The following MUC3A variants were observed in gnomAD, a reference collection of about 807,000 sequenced individuals.
MUC3A encodes the protein mucin-3A.
In MUC3A, 109 loss-of-function variants were observed where a neutral mutation model predicts 109.0. The ratio of observed to expected loss-of-function variants is 1.00; its 90% CI spans 0.86 to 1.17. The LOEUF is 1.17. MUC3A is among the 50% of genes most tolerant of loss of function. The pLI, the probability that MUC3A is intolerant of heterozygous loss-of-function variation, is 0.00. For synonymous variants in MUC3A, 1,398 were observed against 981.4 expected, an observed-to-expected ratio of 1.42 and a Z score of -7.93; for missense variants, 3,537 against 2,469.4, an observed-to-expected ratio of 1.43 and a Z score of -9.16.
chr7:100,951,120 C>T lies in MUC3A; in HGVS notation c.62-721C>T, dbSNP rs199715288. Among the ~76,000 whole-genome samples, 3 of 152,334 alleles carry T rather than the reference C, an allele frequency of 2.0e-5. No individual in the cohort carries two copies. The East Asian group carries it at 5.8e-4, about 29-fold the overall frequency. On this transcript the variant is annotated intron_variant, in intron 1 of 11. Transcript: ENST00000379458. ...TGCTTCCTGGGTTCAAGCGATTCTC[C>T]TGCCTCAGCTACAGGTACACGCCAC...
At position 100,966,879 on chromosome 7, in the gene MUC3A, C is replaced by G; in HGVS notation, c.9878-20C>G. 1 of 1,598,520 alleles carries G rather than the reference C, an allele frequency of 6.3e-7. No individual in the cohort carries two copies. The highest frequency in any genetic ancestry group is 1.7e-4 in the Middle Eastern group (1 of 6,060). On this transcript the variant is annotated intron_variant, in intron 10 of 11. Coordinates refer to ENST00000379458, the MANE Select transcript of MUC3A (RefSeq NM_005960.2). The stretch of plus-strand genomic sequence containing the variant: ...CCCCTCCCTCTCCCCTTCTCTTTCT[C>G]CGCTCCTCTCTCTCTCTAGACAAGG...
rs368515755 is a variant in MUC3A, at chr7:100,959,290, C to G, written c.7511C>G (p.Thr2504Ser). The change falls in exon 2 of 12, where the codon ACT becomes AGT. Residue 2504 changes from threonine to serine, a missense_variant. Thr to Ser is a moderately conservative substitution (Grantham distance 58). Transcript: ENST00000379458. ...PSSVGTSTSL[T>S]TTTDFPSIPT... is the part of the protein sequence containing the mutation. ...TCTGTGGGCACCAGCACTTCATTGA[C>G]TACAACCACAGACTTTCCCTCTATA... is the stretch of plus-strand genomic sequence containing the variant. 8.4e-5 allele frequency: 134 copies of G among 1,587,576 alleles called. No homozygotes were observed. Among genetic ancestry groups the G allele is most frequent in the Non-Finnish European group, 1.0e-4 (121 of 1,173,772 alleles).
At chr7:100,962,954 C>T (rs1227355247) in intron 3 of MUC3A, among the ~76,000 whole-genome samples, 197 bp from the exon 4 acceptor site, 2 of 152,310 alleles carry the variant, frequency 1.3e-5, no homozygotes, top group Non-Finnish European at 2.9e-5. Flanking sequence ...CTCCTGAGTT[C>T]AAGTGATTCT....
At chr7:100,966,773 G>A in intron 10 of MUC3A, 30 bp downstream of exon 10, 1 of 1,598,532 alleles carries the variant, frequency 6.3e-7, no homozygotes, top group East Asian at 2.2e-5. Context: ...GAAGCAGGCA[G>A]AGGCTTTCCT....
rs1253754403 is a variant in MUC3A, at chr7:100,959,549, C to G, written c.7770C>G (p.Thr2590=). 1.9e-6 allele frequency: 3 copies of G among 1,590,840 alleles called. No homozygotes were observed. The highest frequency in any genetic ancestry group is 2.6e-6 in the Non-Finnish European group (3 of 1,176,266). Residue 2590 remains threonine, a synonymous_variant, in exon 2 of 12, where the codon ACC becomes ACG. Transcript: ENST00000379458. The stretch of plus-strand genomic sequence containing the variant: ...CTGTACTGACGTCAGCCACTGGGAC[C>G]CAAACATCTCCTGCACCTACTACTG... The part of the protein sequence containing the change: ...TPPVLTSATG[T]QTSPAPTTVT...
At chr7:100,949,817 G>C in intron 1 of MUC3A, 132 bp downstream of exon 1, 1 of 911,110 alleles carries the variant, frequency 1.1e-6, no homozygotes, top group Non-Finnish European at 1.6e-6. Context: ...TGGGTGCAGG[G>C]AGAACCGAGG....
chr7:100,958,136 G>A lies in MUC3A; in HGVS notation c.6357G>A (p.Met2119Ile). 1 of 245,958 alleles carries A rather than the reference G, an allele frequency of 4.1e-6. No individual in the cohort carries two copies. Among genetic ancestry groups the A allele is most frequent in the Admixed American group, 4.5e-5 (1 of 22,344 alleles). The allele number at this position is 245,958 out of a possible 1,614,324, so 15.2% of individuals were successfully genotyped here. Residue 2119 changes from methionine (M) to isoleucine (I), a missense_variant, in exon 2 of 12, where the codon ATG becomes ATA. By Grantham distance (10) the Met-to-Ile change is conservative (BLOSUM62 1). Transcript: ENST00000379458. ...CTTCCTCAATCACCACCTCTGAGAT[G>A]CCCTCACACAGTACTCCCAGCTTCA... ...SFTSSITTSE[M>I]PSHSTPSFTS...
Position 100,957,210 on chromosome 7 carries a change from A to G in MUC3A, c.5431A>G (p.Ser1811Gly), listed in dbSNP as rs921818255. 2.8e-3 allele frequency: 1,325 copies of G among 471,546 alleles called. No individual in the cohort carries two copies. Among genetic ancestry groups the G allele is most frequent in the African/African-American group, 0.024 (1,157 of 49,024 alleles). 29.2% of individuals were successfully genotyped at this position (471,546 alleles called of 1,614,324 possible). ...TGTCCCAAGTACAGAAGCGATCACC[A>G]GTGGTACCACAAACACCACCCCTCT... Reference protein sequence around the residue: ...TPVPSTEAITSGTTNTTPLST... With the variant: ...TPVPSTEAITGGTTNTTPLST... The change falls in exon 2 of 12, where the codon AGT (serine) becomes GGT (glycine). Residue 1811 changes from serine to glycine, a missense_variant. Ser to Gly is a moderately conservative substitution (Grantham distance 56). Coordinates refer to ENST00000379458, the MANE Select transcript of MUC3A (RefSeq NM_005960.2).
chr7:100,965,358 G>C lies in MUC3A; in HGVS notation c.9448+11G>C. The C allele has an allele frequency of 1.9e-6, 3 of 1,596,930 alleles. No homozygotes were observed. The highest frequency in any genetic ancestry group is 2.5e-6 in the Non-Finnish European group (3 of 1,178,706). Reference sequence around the variant, plus strand: ...AGCTGACCCCGGCAGGTAAGGGTGGGGTAAAGGGCTGAGTGGTCTCCCGCG... The same window carrying C: ...AGCTGACCCCGGCAGGTAAGGGTGGCGTAAAGGGCTGAGTGGTCTCCCGCG... On this transcript the variant is annotated intron_variant, in intron 7 of 11. Transcript: ENST00000379458.
chr7:100,957,663 A>G lies in MUC3A; in HGVS notation c.5884A>G (p.Ile1962Val), dbSNP rs1792137180. ...CAGCTCTCCCAGCTTCACTTCTTCG[A>G]TCACCACCACCGAGACCACATCCCA... is the stretch of plus-strand genomic sequence containing the variant. Reference protein sequence around the residue: ...SHSSPSFTSSITTTETTSHNT... With the variant: ...SHSSPSFTSSVTTTETTSHNT... The change falls in exon 2 of 12, where the codon ATC becomes GTC. Residue 1962 changes from isoleucine (I) to valine (V), a missense_variant. By Grantham distance (29) the Ile-to-Val change is conservative. Transcript: ENST00000379458. The G allele has an allele frequency of 6.4e-7, 1 of 1,564,732 alleles. No individual in the cohort carries two copies. The highest frequency in any genetic ancestry group is 8.7e-7 in the Non-Finnish European group (1 of 1,149,942).
At position 100,952,470 on chromosome 7, in the gene MUC3A, C is replaced by T. The variant is rs747346253; in HGVS notation, c.691C>T (p.Leu231=). Residue 231 remains leucine (L), a synonymous_variant, in exon 2 of 12, where the codon CTG becomes TTG. Coordinates refer to ENST00000379458, the MANE Select transcript of MUC3A (RefSeq NM_005960.2). ...STTRTTERTP[L]PTGSIHTTTS... The stretch of plus-strand genomic sequence containing the variant: ...AACTAGAACCACAGAAAGGACTCCC[C>T]TGCCCACTGGAAGCATCCATACAAC... 2 of 1,598,588 alleles carry T rather than the reference C, an allele frequency of 1.3e-6. No individual in the cohort carries two copies. The highest frequency in any genetic ancestry group is 2.2e-5 in the East Asian group (1 of 44,892).
In MUC3A at chr7:100,960,123, C is replaced by T. The variant is rs776677249; in HGVS notation, c.8344C>T (p.Pro2782Ser). Reference protein sequence around the residue: ...TITITIVPASPTDPCVEMDPS... With the variant: ...TITITIVPASSTDPCVEMDPS... Reference sequence around the variant, plus strand: ...AACAATTACCATAGTCCCTGCCTCCCCCACTGATCCATGTGTTGAAATGGA... The same window carrying T: ...AACAATTACCATAGTCCCTGCCTCCTCCACTGATCCATGTGTTGAAATGGA... The change falls in exon 2 of 12, where the codon CCC becomes TCC. Residue 2782 changes from proline (P) to serine (S), a missense_variant. Transcript: ENST00000379458. 6.5e-7 allele frequency: 1 copy of T among 1,543,068 alleles called. No homozygotes were observed. Among genetic ancestry groups the T allele is most frequent in the South Asian group, 1.2e-5 (1 of 80,500 alleles).
chr7:100,960,706 A>G (rs1199625237), intron 2 of MUC3A, 46 bp from the exon 3 acceptor site: 1 of 1,592,388 alleles, frequency 6.3e-7, no homozygotes, highest in African/African-American at 1.3e-5. Flanking sequence ...TGTGTCACTG[A>G]GGTCAGGCTT....
At position 100,959,632 on chromosome 7, in the gene MUC3A, C is replaced by T. The variant is rs1272759156; in HGVS notation, c.7853C>T (p.Thr2618Ile). 6.3e-7 allele frequency: 1 copy of T among 1,598,454 alleles called. No homozygotes were observed. The highest frequency in any genetic ancestry group is 1.1e-5 in the South Asian group (1 of 91,080). Residue 2618 changes from threonine (T) to isoleucine (I), a missense_variant, in exon 2 of 12, where the codon ACA becomes ATA. Thr to Ile is a moderately conservative substitution (Grantham distance 89). Transcript: ENST00000379458. ...ACTCTTCATACTCTTACTCCATCAA[C>T]AGCCTTGAGCACGATCGTGTCAACA... ...TSTLHTLTPS[T>I]ALSTIVSTSQ...
rs758571045 is a variant in MUC3A, at chr7:100,952,315, C to A, written c.536C>A (p.Thr179Asn). Residue 179 changes from threonine (T) to asparagine (N), a missense_variant, in exon 2 of 12, where the codon ACT (threonine) becomes AAT (asparagine). Coordinates refer to ENST00000379458, the MANE Select transcript of MUC3A (RefSeq NM_005960.2). Reference protein sequence around the residue: ...TVTSTYSMTTTEKGTSAMTSS... With the variant: ...TVTSTYSMTTNEKGTSAMTSS... ...ACCAGTACTTACTCTATGACCACTA[C>A]TGAGAAAGGAACGTCAGCCATGACA... 6.3e-7 allele frequency: 1 copy of A among 1,598,546 alleles called. No individual in the cohort carries two copies.
rs781555147 is a variant in MUC3A at position 100,952,538 on chromosome 7, G to A, written c.759G>A (p.Val253=). 6.3e-7 allele frequency: 1 copy of A among 1,598,478 alleles called. No homozygotes were observed. The highest frequency in any genetic ancestry group is 8.5e-7 in the Non-Finnish European group (1 of 1,179,726). The change falls in exon 2 of 12, where the codon GTG becomes GTA. Residue 253 remains valine (V), a synonymous_variant. Coordinates refer to ENST00000379458, the MANE Select transcript of MUC3A (RefSeq NM_005960.2). ...TPVFTTLKTA[V]TSTSPITSSI... ...TATTTACTACTCTCAAAACAGCAGT[G>A]ACTTCCACTTCCCCCATCACTTCTT...
At chr7:100,965,451 A>C (rs1169464850) in intron 7 of MUC3A, 104 bp downstream of exon 7, 2 of 1,524,446 alleles carry the variant, frequency 1.3e-6, no homozygotes, top group African/African-American at 2.7e-5. Context: ...CCTTTGGGGG[A>C]GGCAAGTCAT....
intron 11 of MUC3A, 62 bp downstream of exon 11, chr7:100,967,013 C>T: frequency 3.1e-6 from 5 of 1,598,408 alleles, no homozygotes; most frequent in East Asian, 2.2e-5. Context: ...GAATCCCTCC[C>T]CGACCCCCAC....
chr7:100,959,604 T>C lies in MUC3A; in HGVS notation c.7825T>C (p.Ser2609Pro), dbSNP rs563417268. ...VTFGSTDSST[S>P]TLHTLTPSTA... Reference sequence around the variant, plus strand: ...CTTTGGAAGTACGGATTCCTCCACGTCCACTCTTCATACTCTTACTCCATC... The same window carrying C: ...CTTTGGAAGTACGGATTCCTCCACGCCCACTCTTCATACTCTTACTCCATC... The change falls in exon 2 of 12, where the codon TCC becomes CCC. Residue 2609 changes from serine to proline, a missense_variant. Physicochemically the swap from Ser to Pro is moderately conservative, Grantham distance 74. Coordinates refer to ENST00000379458, the MANE Select transcript of MUC3A (RefSeq NM_005960.2). The C allele has an allele frequency of 1.0e-5, 16 of 1,598,084 alleles. No homozygotes were observed. In the African/African-American group the frequency reaches 1.9e-4, roughly 19 times the overall value.
Sources: gnomAD v4.1 joint callset for allele counts (sites outside exome capture counted in the v4.1 genomes callset) on GRCh38, gnomAD v4.1.1 for gene constraint, MANE v1.5 for transcripts, NCBI Gene and HGNC (gene_info 2026-07-23, HGNC 2026-07-21) for gene names.